SPIDR: variants seen among roughly 807,000 people sequenced by gnomAD.
SPIDR encodes scaffold protein involved in DNA repair, also known as DNA repair-scaffolding protein.
Under a neutral mutation model 104.6 loss-of-function variants are expected in SPIDR, and 93 were observed. The ratio of observed to expected loss-of-function variants is 0.89; its 90% CI spans 0.75 to 1.06. The LOEUF (loss-of-function observed/expected upper bound fraction) is 1.06. Ranked by LOEUF, SPIDR falls within the 50% of genes least tolerant of loss-of-function variation. SPIDR has a pLI of 0.00. For synonymous variants in SPIDR, 431 were observed against 416.9 expected, an observed-to-expected ratio of 1.03 and a Z score of -0.41; for missense variants, 1,154 against 1,111.2, an observed-to-expected ratio of 1.04 and a Z score of -0.55.
intron 8 of SPIDR, among the ~76,000 whole-genome samples, chr8:47,530,555 T>C (rs1284070129): frequency 6.6e-6 from 1 of 152,130 alleles, no homozygotes; most frequent in Non-Finnish European, 1.5e-5. Context: ...TGCCCCTCTA[T>C]AGGGCACTTA....
At chr8:47,467,473 G>A (rs1369604406) in intron 8 of SPIDR, among the ~76,000 whole-genome samples, 2 of 152,048 alleles carry the variant, frequency 1.3e-5, no homozygotes, top group East Asian at 3.9e-4. Flanking sequence ...ACAAAATACT[G>A]ACAAACTGAG....
At chr8:47,317,613 G>A (rs1238857713) in intron 5 of SPIDR, among the ~76,000 whole-genome samples, 3 of 152,126 alleles carry the variant, frequency 2.0e-5, no homozygotes, top group Non-Finnish European at 2.9e-5. Context: ...CTCCCAGCAC[G>A]CAGCTGGAGG....
At chr8:47,556,216 T>A (rs887075384) in intron 8 of SPIDR, among the ~76,000 whole-genome samples, 2 of 152,234 alleles carry the variant, frequency 1.3e-5, no homozygotes, top group African/African-American at 4.8e-5. Context: ...TGAAGATAGC[T>A]GGCTGATCTT....
chr8:47,457,186 T>C (rs1317734860), intron 8 of SPIDR, among the ~76,000 whole-genome samples: 1 of 152,190 alleles, frequency 6.6e-6, no homozygotes, highest in Non-Finnish European at 1.5e-5. Flanking sequence ...CTCCACACTG[T>C]TTTCCATAGT....
chr8:47,685,859 T>C (rs1205927671), intron 11 of SPIDR, among the ~76,000 whole-genome samples: 1 of 151,798 alleles, frequency 6.6e-6, no homozygotes, highest in Non-Finnish European at 1.5e-5. Context: ...GCCCTGTTTT[T>C]CTTTAATAGA....
At chr8:47,571,396 G>A (rs6473187) in intron 8 of SPIDR, among the ~76,000 whole-genome samples, 146,936 of 152,234 alleles carry the variant, frequency 0.97, 70,928 homozygotes, top group East Asian at 1. Flanking sequence ...CCTCTTATAT[G>A]TATTTGATTT....
intron 12 of SPIDR, among the ~76,000 whole-genome samples, chr8:47,701,470 T>C (rs953216525): frequency 6.6e-6 from 1 of 152,194 alleles, no homozygotes. Context: ...AAGTAATTTC[T>C]AGATGATATT....
rs552256974 is a variant in SPIDR at position 47,565,115 on chromosome 8, A to C, written c.1098-30696A>C. Among the ~76,000 whole-genome samples the C allele has an allele frequency of 9.8e-5, 15 of 152,300 alleles. No individual in the cohort carries two copies. In the South Asian group the frequency reaches 2.9e-3, roughly 29 times the overall value. ...TACAAAATTAGCTGGGTGTGGTGGC[A>C]CATGCCTGTAATCCCAGCTGCTTGG... On this transcript the variant is annotated intron_variant, in intron 8 of 19. Coordinates refer to ENST00000297423, the MANE Select transcript of SPIDR (RefSeq NM_001080394.4).
intron 16 of SPIDR, among the ~76,000 whole-genome samples, chr8:47,716,961 T>C (rs932997782): frequency 1.3e-5 from 2 of 152,060 alleles, no homozygotes; most frequent in Non-Finnish European, 2.9e-5. Flanking sequence ...CCAGAGACTG[T>C]GATGCAAAGC....
rs954916989 is a variant in SPIDR, at chr8:47,712,759, A to G, written c.2075A>G (p.Lys692Arg). The G allele has an allele frequency of 6.2e-7, 1 of 1,614,144 alleles. No individual in the cohort carries two copies. The highest frequency in any genetic ancestry group is 1.7e-5 in the Admixed American group (1 of 60,020). ...TKEERDPRLP[K>R]TLLVYVAPLC... ...GAGGAGAGAGACCCCAGGCTCCCCAAAACCCTGCTGGTCTATGTGGCCCCC... is the reference window on the plus strand; with the variant it reads ...GAGGAGAGAGACCCCAGGCTCCCCAGAACCCTGCTGGTCTATGTGGCCCCC... Residue 692 changes from lysine to arginine, a missense_variant, in exon 15 of 20, where the codon AAA becomes AGA. Lys to Arg is a conservative substitution (Grantham distance 26, BLOSUM62 2). Transcript: ENST00000297423.
chr8:47,684,880 T>G (rs16930142), intron 11 of SPIDR, among the ~76,000 whole-genome samples: 4,812 of 152,298 alleles, frequency 0.032, 207 homozygotes, highest in African/African-American at 0.1. Context: ...GAATGGAAAT[T>G]AAGCCAGTGG....
intron 8 of SPIDR, chr8:47,511,357 G>T: frequency 9.6e-7 from 1 of 1,042,478 alleles, no homozygotes; most frequent in Non-Finnish European, 1.5e-6. Context: ...CTAGGGGGCA[G>T]TGCTGCTCGG....
intron 8 of SPIDR, among the ~76,000 whole-genome samples, chr8:47,491,709 C>T (rs903631699): frequency 6.6e-6 from 1 of 152,012 alleles, no homozygotes; most frequent in Non-Finnish European, 1.5e-5. Context: ...ATTAGCTTGG[C>T]ATGGTGGCGT....
chr8:47,612,927 G>A (rs909074270), intron 10 of SPIDR, among the ~76,000 whole-genome samples: 1 of 152,282 alleles, frequency 6.6e-6, no homozygotes, highest in Middle Eastern at 3.4e-3. Flanking sequence ...TATGCGGCAG[G>A]CTCCCTGAAT....
chr8:47,681,073 AAG>A (rs764673621), intron 11 of SPIDR, among the ~76,000 whole-genome samples: 6 of 152,032 alleles, frequency 3.9e-5, no homozygotes, highest in East Asian at 1.9e-4. Context: ...AAAAAACAAA[AAG>A]AGAGAGAGAG....
At chr8:47,653,092 C>T (rs183178378) in intron 10 of SPIDR, among the ~76,000 whole-genome samples, 19 of 152,320 alleles carry the variant, frequency 1.2e-4, no homozygotes, top group African/African-American at 4.3e-4. Flanking sequence ...TCACCAGGCA[C>T]AGGAGGGATG....
In SPIDR at chr8:47,424,876, G is replaced by T. The variant is rs562684782; in HGVS notation, c.878-15447G>T. On this transcript the variant is annotated intron_variant, in intron 7 of 19. Coordinates refer to ENST00000297423, the MANE Select transcript of SPIDR (RefSeq NM_001080394.4). ...TTCTGAGTATGCTGGGATTACAGGC[G>T]CCTGCCACCACCCCTGGGTAATTTT... Among the ~76,000 whole-genome samples, 51 of 152,158 alleles carry T rather than the reference G, an allele frequency of 3.4e-4. 1 individual carries two copies. Among genetic ancestry groups the T allele is most frequent in the Middle Eastern group, 6.8e-3 (2 of 294 alleles).
At chr8:47,638,980 G>A (rs1367623534) in intron 10 of SPIDR, among the ~76,000 whole-genome samples, 2 of 152,294 alleles carry the variant, frequency 1.3e-5, no homozygotes, top group African/African-American at 4.8e-5. Context: ...TGGTTTCTGT[G>A]ATCTGTGATG....
intron 8 of SPIDR, among the ~76,000 whole-genome samples, chr8:47,501,211 T>G (rs1453402275): frequency 6.6e-6 from 1 of 152,248 alleles, no homozygotes; most frequent in Non-Finnish European, 1.5e-5. Context: ...GGGATGGCAT[T>G]GAATCTATAA....
Sources: gnomAD v4.1 joint callset for allele counts (sites outside exome capture counted in the v4.1 genomes callset) on GRCh38, gnomAD v4.1.1 for gene constraint, MANE v1.5 for transcripts, NCBI Gene and HGNC (gene_info 2026-07-23, HGNC 2026-07-21) for gene names.